Variants in SLC39A14 observed in about 807,000 individuals in gnomAD.
SLC39A14 encodes metal cation symporter ZIP14.
A neutral mutation model predicts 45.5 loss-of-function variants in SLC39A14; 19 were observed. That is an observed-to-expected ratio of 0.42 (90% CI 0.29 to 0.61). SLC39A14 has a LOEUF of 0.61. Among genes scored for constraint, SLC39A14 ranks in the 20% least tolerant of loss-of-function variants. The pLI is 0.22. For synonymous variants in SLC39A14, 264 were observed against 251.3 expected, an observed-to-expected ratio of 1.05 and a Z score of -0.48; for missense variants, 447 against 616.5, an observed-to-expected ratio of 0.73 and a Z score of 2.91.
intron 5 of SLC39A14, chr8:22,415,306 A>G (rs1162867386): frequency 4.8e-6 from 1 of 208,664 alleles, no homozygotes; most frequent in Non-Finnish European, 9.4e-6. Context: ...GCATGCAGTT[A>G]TTCCCTAAAT....
At chr8:22,406,361 A>G (rs1339191408) in intron 2 of SLC39A14, among the ~76,000 whole-genome samples, 1 of 146,452 alleles carries the variant, frequency 6.8e-6, no homozygotes, top group Non-Finnish European at 1.5e-5. Flanking sequence ...AGGTGAGAGA[A>G]TCACTTGAAC....
At chr8:22,403,215 A>T (rs189345862) in intron 1 of SLC39A14, among the ~76,000 whole-genome samples, 1,679 of 152,098 alleles carry the variant, frequency 0.011, 20 homozygotes, top group African/African-American at 0.038. Context: ...TGACCTCGTG[A>T]CCTGCCTGCC....
chr8:22,422,583 G>C lies in SLC39A14; in HGVS notation c.*2885G>C, dbSNP rs1016705890. Reference sequence around the variant, plus strand: ...TCACAGTATTTTTTTAAATAACTCAGGTGTATGAGAAGAAATTAGAAAAGA... The same window carrying C: ...TCACAGTATTTTTTTAAATAACTCACGTGTATGAGAAGAAATTAGAAAAGA... On this transcript the variant is annotated 3_prime_UTR_variant, in exon 9 of 9. Transcript: ENST00000381237. The C allele has an allele frequency of 2.0e-6, 2 of 984,476 alleles. No individual in the cohort carries two copies. The highest frequency in any genetic ancestry group is 2.4e-6 in the Non-Finnish European group (2 of 828,834). 61.0% of individuals were successfully genotyped at this position (984,476 alleles called of 1,614,324 possible). A position where few individuals can be genotyped will look rare whatever the true frequency, so the allele number is the denominator to read the frequency against.
rs768296929 is a variant in SLC39A14, at chr8:22,419,574, G to C, written c.1355G>C (p.Cys452Ser). The C allele has an allele frequency of 1.9e-6, 3 of 1,613,618 alleles. No homozygotes were observed. The highest frequency in any genetic ancestry group is 2.5e-6 in the Non-Finnish European group (3 of 1,179,876). ...CAGTTCCCTGAGATGAATGAGGTCT[G>C]TCAAGAGGATGAAAGGAAGGGCAGC... ...ADMFPEMNEV[C>S]QEDERKGSIL... The change falls in exon 9 of 9, where the codon TGT becomes TCT. Residue 452 changes from cysteine (C) to serine (S), a missense_variant. By Grantham distance (112) the Cys-to-Ser change is moderately radical. This residue lies in a region of SLC39A14 where 105 missense variants were observed against 188.4 expected (regional missense o/e 0.56). Transcript: ENST00000381237.
In SLC39A14 at chr8:22,404,992, C is replaced by T. The variant is rs759579677; in HGVS notation, c.270+12C>T. 24 of 1,610,348 alleles carry T rather than the reference C, an allele frequency of 1.5e-5. No homozygotes were observed. Among genetic ancestry groups the T allele is most frequent in the Non-Finnish European group, 2.0e-5 (24 of 1,177,952 alleles). On this transcript the variant is annotated intron_variant, in intron 2 of 8. Coordinates refer to ENST00000381237, the MANE Select transcript of SLC39A14 (RefSeq NM_001128431.4). ...GGAACCTCTCCACGGTAAGGCTCCC[C>T]TGTGAGCCAGCAGCTCTGCTCAGCC...
intron 1 of SLC39A14, among the ~76,000 whole-genome samples, chr8:22,399,241 G>A (rs1178237424): frequency 1.3e-5 from 2 of 152,174 alleles, no homozygotes; most frequent in South Asian, 2.1e-4. Flanking sequence ...ACCCCTGCCC[G>A]GCCTCCCCGT....
At chr8:22,413,136 A>G (rs189424198) in intron 4 of SLC39A14, among the ~76,000 whole-genome samples, 36 of 152,286 alleles carry the variant, frequency 2.4e-4, no homozygotes, top group African/African-American at 8.7e-4. Flanking sequence ...AATTTGGTGT[A>G]ATCCCCTCAG....
At chr8:22,372,060 A>G (rs1461960117) in intron 1 of SLC39A14, among the ~76,000 whole-genome samples, 1 of 152,086 alleles carries the variant, frequency 6.6e-6, no homozygotes, top group Non-Finnish European at 1.5e-5. Flanking sequence ...TTTTATCTTT[A>G]AAACATGTAT....
At chr8:22,396,000 A>G (rs924631952) in intron 1 of SLC39A14, among the ~76,000 whole-genome samples, 1 of 152,076 alleles carries the variant, frequency 6.6e-6, no homozygotes, top group Non-Finnish European at 1.5e-5. Context: ...TCTGTCCTCT[A>G]TTCAGGGATT....
chr8:22,424,045 C>T (rs886958983), downstream of SLC39A14, among the ~76,000 whole-genome samples: 25 of 151,778 alleles, frequency 1.6e-4, no homozygotes, highest in African/African-American at 6.1e-4. Context: ...CTTGGCCTCC[C>T]AAAGTGCTGG....
chr8:22,422,141 T>G lies in SLC39A14; in HGVS notation c.*2443T>G. 1.0e-6 allele frequency: 1 copy of G among 985,480 alleles called. No homozygotes were observed. Among genetic ancestry groups the G allele is most frequent in the Non-Finnish European group, 1.2e-6 (1 of 829,938 alleles). 61.0% of individuals were successfully genotyped at this position (985,480 alleles called of 1,614,324 possible). A position where few individuals can be genotyped will look rare whatever the true frequency, so the allele number is the denominator to read the frequency against. ...TATTAGAAGTCTAAGGAGTAGCAAG[T>G]CAGTGGGAGGACTTTTTCACCCCTG... is the stretch of plus-strand genomic sequence containing the variant. On this transcript the variant is annotated 3_prime_UTR_variant, in exon 9 of 9. Transcript: ENST00000381237.
chr8:22,385,011 C>T (rs1464321864), intron 1 of SLC39A14, among the ~76,000 whole-genome samples: 3 of 152,126 alleles, frequency 2.0e-5, no homozygotes, highest in Non-Finnish European at 4.4e-5. Flanking sequence ...GATCGCGCCA[C>T]TGCACTCTAG....
intron 8 of SLC39A14, among the ~76,000 whole-genome samples, chr8:22,433,700 C>T (rs1836501789): frequency 6.6e-6 from 1 of 152,082 alleles, no homozygotes; most frequent in South Asian, 2.1e-4. Flanking sequence ...GCTGGGACCA[C>T]AGGCGCATGC....
chr8:22,390,040 T>G (rs960536677), intron 1 of SLC39A14: 6 of 158,608 alleles, frequency 3.8e-5, no homozygotes, highest in Non-Finnish European at 8.4e-5. Flanking sequence ...GAAGCGGTCT[T>G]GGCTCTTAGA....
intron 8 of SLC39A14, among the ~76,000 whole-genome samples, chr8:22,430,862 A>G (rs1836455374): frequency 6.6e-6 from 1 of 151,980 alleles, no homozygotes; most frequent in Admixed American, 6.6e-5. Flanking sequence ...TAGTAGAAAC[A>G]AGGTTTTACC....
chr8:22,425,888 T>TTTTTTTG (rs779301081), downstream of SLC39A14, among the ~76,000 whole-genome samples: 3 of 126,240 alleles, frequency 2.4e-5, no homozygotes, highest in Non-Finnish European at 3.5e-5. Flanking sequence ...AGATGGTTTT[T>TTTTTTTG]GTTTTTTTTT....
At chr8:22,408,779 C>T (rs13259873) in intron 3 of SLC39A14, among the ~76,000 whole-genome samples, 60,291 of 150,874 alleles carry the variant, frequency 0.4, 12,729 homozygotes, top group East Asian at 0.61. Flanking sequence ...CTTTTTGTTT[C>T]ATGTTGAACC....
chr8:22,397,446 T>C (rs1586695552), intron 1 of SLC39A14, among the ~76,000 whole-genome samples: 1 of 152,000 alleles, frequency 6.6e-6, no homozygotes. Context: ...GGCGTGGTGG[T>C]GGGCGCCTGT....
At chr8:22,373,434 A>G (rs940217341) in intron 1 of SLC39A14, among the ~76,000 whole-genome samples, 2 of 152,156 alleles carry the variant, frequency 1.3e-5, no homozygotes, top group African/African-American at 2.4e-5. Context: ...GCTGTTAAGA[A>G]GTCAGTTAAA....
Sources: gnomAD v4.1 joint callset for allele counts (sites outside exome capture counted in the v4.1 genomes callset) on GRCh38, gnomAD v4.1.1 for gene constraint, gnomAD v4.1.1 regional missense constraint, MANE v1.5 for transcripts, NCBI Gene and HGNC (gene_info 2026-07-23, HGNC 2026-07-21) for gene names.